Variants in FGF14 observed in about 807,000 individuals in gnomAD.
FGF14 encodes fibroblast growth factor 14.
FGF14 carries 5 observed loss-of-function variants against 25.5 expected under a neutral mutation model. That is an observed-to-expected ratio of 0.20 (90% confidence interval 0.10 to 0.41). The LOEUF (loss-of-function observed/expected upper bound fraction) is 0.41. FGF14 is among the 10% of genes least tolerant of loss of function. The probability of loss-of-function intolerance (pLI) is 1.00; values close to 1 mark genes in which losing one functional copy is unlikely to be tolerated. For synonymous variants in FGF14, 138 were observed against 118.3 expected, an observed-to-expected ratio of 1.17 and a Z score of -1.08; for missense variants, 222 against 320.1, an observed-to-expected ratio of 0.69 and a Z score of 2.34.
intron 1 of FGF14, among the ~76,000 whole-genome samples, chr13:102,078,559 G>A (rs1031320227): frequency 3.3e-5 from 5 of 152,158 alleles, no homozygotes; most frequent in South Asian, 2.1e-4. Context: ...GGACTCTTAC[G>A]AAGACATCTA....
chr13:101,997,443 T>C (rs959975440), intron 1 of FGF14, among the ~76,000 whole-genome samples: 3 of 152,192 alleles, frequency 2.0e-5, no homozygotes, highest in Non-Finnish European at 2.9e-5. Context: ...TTATTAATGC[T>C]AAGACTCATG....
intron 1 of FGF14, among the ~76,000 whole-genome samples, chr13:102,239,494 C>G (rs535625170): frequency 6.6e-6 from 1 of 152,228 alleles, no homozygotes; most frequent in East Asian, 1.9e-4. Context: ...CACTGAGTAG[C>G]AAGGCTTACG....
chr13:102,000,998 G>A (rs1046077773), intron 1 of FGF14, among the ~76,000 whole-genome samples: 1 of 152,156 alleles, frequency 6.6e-6, no homozygotes, highest in East Asian at 1.9e-4. Flanking sequence ...GTTCAAGGCT[G>A]GAGTTTAGGG....
chr13:101,825,501 T>C (rs1472955375), intron 3 of FGF14, among the ~76,000 whole-genome samples: 5 of 152,186 alleles, frequency 3.3e-5, no homozygotes, highest in African/African-American at 1.2e-4. Context: ...ATTTTCAATC[T>C]TTGCCGATTA....
At chr13:101,884,674 G>A (rs1182513716) in intron 1 of FGF14, among the ~76,000 whole-genome samples, 7 of 151,996 alleles carry the variant, frequency 4.6e-5, no homozygotes, top group Non-Finnish European at 7.4e-5. Flanking sequence ...ATTCCCTGTC[G>A]CTGAAAGTGT....
intron 3 of FGF14, among the ~76,000 whole-genome samples, chr13:101,776,958 T>G (rs1228042971): frequency 6.6e-6 from 1 of 152,204 alleles, no homozygotes; most frequent in Non-Finnish European, 1.5e-5. Flanking sequence ...AGGCCTTTTT[T>G]AAAATGAAGT....
chr13:102,392,477 CT>C (rs1411384673), intron 1 of FGF14, among the ~76,000 whole-genome samples: 1 of 152,100 alleles, frequency 6.6e-6, no homozygotes, highest in East Asian at 1.9e-4. Context: ...TCAAGATGAA[CT>C]TTTTATCCCA....
At chr13:101,909,981 C>G (rs1048669204) in intron 1 of FGF14, among the ~76,000 whole-genome samples, 2 of 151,980 alleles carry the variant, frequency 1.3e-5, no homozygotes. Context: ...TCTCAGCAAA[C>G]TATCACCAGG....
At chr13:102,334,528 TA>T (rs2056733409) in intron 1 of FGF14, among the ~76,000 whole-genome samples, 1 of 152,080 alleles carries the variant, frequency 6.6e-6, no homozygotes, top group Non-Finnish European at 1.5e-5. Flanking sequence ...CTCAGTGAAA[TA>T]AAACAAATGA....
intron 1 of FGF14, among the ~76,000 whole-genome samples, chr13:102,117,005 C>A (rs947166029): frequency 1.3e-5 from 2 of 152,140 alleles, no homozygotes; most frequent in African/African-American, 4.8e-5. Flanking sequence ...GGCTCCCACT[C>A]CCCTGTCCTT....
At chr13:102,151,452 T>C (rs948960560) in intron 1 of FGF14, among the ~76,000 whole-genome samples, 12 of 152,210 alleles carry the variant, frequency 7.9e-5, no homozygotes, top group Non-Finnish European at 1.5e-4. Flanking sequence ...TTAACATCTA[T>C]ACTAATGTCA....
intron 3 of FGF14, among the ~76,000 whole-genome samples, chr13:101,825,922 A>G (rs1305622455): frequency 6.6e-6 from 1 of 152,164 alleles, no homozygotes; most frequent in East Asian, 1.9e-4. Flanking sequence ...CAAATCACAT[A>G]TATCCCTAAA....
intron 1 of FGF14, among the ~76,000 whole-genome samples, chr13:102,041,409 A>G (rs912093070): frequency 6.6e-6 from 1 of 152,036 alleles, no homozygotes; most frequent in Non-Finnish European, 1.5e-5. Context: ...AAGCTGATAC[A>G]TATATGTTTT....
At chr13:102,120,328 G>GA (rs1486885760) in intron 1 of FGF14, among the ~76,000 whole-genome samples, 1 of 152,008 alleles carries the variant, frequency 6.6e-6, no homozygotes, top group Non-Finnish European at 1.5e-5. Flanking sequence ...AAGCTATACT[G>GA]ATGAGAGTCC....
At chr13:101,962,373 G>A (rs1347277061) in intron 1 of FGF14, among the ~76,000 whole-genome samples, 2 of 152,080 alleles carry the variant, frequency 1.3e-5, no homozygotes, top group Admixed American at 1.3e-4. Flanking sequence ...TGTTGTTGGT[G>A]TATAGGAATG....
intron 3 of FGF14, among the ~76,000 whole-genome samples, chr13:101,867,707 C>T (rs1283011420): frequency 6.6e-6 from 1 of 152,012 alleles, no homozygotes; most frequent in African/African-American, 2.4e-5. Flanking sequence ...AATGTGGGAC[C>T]CAGTTCTCTG....
chr13:102,163,072 G>A (rs2047848243), intron 1 of FGF14, among the ~76,000 whole-genome samples: 1 of 152,102 alleles, frequency 6.6e-6, no homozygotes, highest in Admixed American at 6.6e-5. Context: ...TTTCCTCAAA[G>A]ATACAATATA....
At position 102,207,624 on chromosome 13, in the gene FGF14, TAAAAAAAA is replaced by T. The variant is rs35568335; in HGVS notation, c.208+193839_208+193846del. Among the ~76,000 whole-genome samples, 378 of 92,478 alleles carry T rather than the reference TAAAAAAAA, an allele frequency of 4.1e-3. 2 individuals carry two copies. The highest frequency in any genetic ancestry group is 0.015 in the African/African-American group (333 of 22,692). The allele number at this position is 92,478 out of a possible 152,430, so 60.7% of individuals were successfully genotyped here. A position where few individuals can be genotyped will look rare whatever the true frequency, so the allele number is the denominator to read the frequency against. On this transcript the variant is annotated intron_variant, in intron 1 of 4. Transcript: ENST00000376131. ...TTGAGAAAAAAGGGTCAGTTTTCATTAAAAAAAAAAAAAAAAAAAAAAGACAGTGTTTA... is the reference window on the plus strand; with the variant it reads ...TTGAGAAAAAAGGGTCAGTTTTCATTAAAAAAAAAAAAAAGACAGTGTTTA...
chr13:102,037,113 G>A (rs2041514700), intron 1 of FGF14, among the ~76,000 whole-genome samples: 1 of 152,002 alleles, frequency 6.6e-6, no homozygotes, highest in Admixed American at 6.6e-5. Flanking sequence ...TTACTATCAT[G>A]GATTAAAAGA....
Sources: allele counts gnomAD v4.1 joint callset (sites outside exome capture counted in the v4.1 genomes callset), GRCh38; gene constraint gnomAD v4.1.1; transcripts MANE v1.5; gene names NCBI Gene and HGNC (gene_info 2026-07-23, HGNC 2026-07-21).